RABEP2: variants seen among roughly 807,000 people sequenced by gnomAD.
The protein encoded by RABEP2 is rabaptin, RAB GTPase binding effector protein 2, also known as rab GTPase-binding effector protein 2.
A neutral mutation model predicts 74.1 loss-of-function variants in RABEP2; 57 were observed. That is an observed-to-expected ratio of 0.77 (90% CI 0.62 to 0.96). The LOEUF is 0.96. Among genes scored for constraint, RABEP2 ranks in the 40% least tolerant of loss-of-function variants. RABEP2 has a pLI of 0.00. For missense variants in RABEP2, 692 were observed against 756.3 expected (o/e 0.91, Z 1.00); for synonymous variants, 351 against 344.0 (o/e 1.02, Z -0.23).
chr16:28,905,006 C>T lies in RABEP2; in HGVS notation c.1647G>A (p.Glu549=). ...CCTCATCCATGATGCTGCGCACTTG[C>T]TCCAGGGTCTCAGCCTGGCGGATCC... ...LERIRQAETL[E]QVRSIMDEAP... Residue 549 remains glutamate (E), a synonymous_variant, in exon 13 of 13, where the codon GAG becomes GAA. Coordinates refer to ENST00000358201, the MANE Select transcript of RABEP2 (RefSeq NM_024816.3). 1 of 1,611,436 alleles carries T rather than the reference C, an allele frequency of 6.2e-7. No homozygotes were observed.
chr16:28,906,842 C>G (rs548671013), intron 8 of RABEP2, among the ~76,000 whole-genome samples: 1 of 152,000 alleles, frequency 6.6e-6, no homozygotes, highest in Non-Finnish European at 1.5e-5. Context: ...GCCTGTAATC[C>G]CAGCTACTCA....
At chr16:28,918,523 G>A (rs1356156920) in intron 3 of RABEP2, among the ~76,000 whole-genome samples, 1 of 151,812 alleles carries the variant, frequency 6.6e-6, no homozygotes, top group Non-Finnish European at 1.5e-5. Context: ...GCTGAGGCAG[G>A]AGAATCACTT....
chr16:28,921,647 ATTTTTTTTT>A (rs56325875), intron 2 of RABEP2, among the ~76,000 whole-genome samples: 8 of 113,406 alleles, frequency 7.1e-5, no homozygotes, highest in African/African-American at 2.8e-4. Flanking sequence ...TAGAACATAG[ATTTTTTTTT>A]TTTTTTTTTT....
chr16:28,911,639 T>G (rs1032568718), intron 5 of RABEP2, among the ~76,000 whole-genome samples: 2 of 141,860 alleles, frequency 1.4e-5, no homozygotes, highest in African/African-American at 2.7e-5. Context: ...GTGAGTGAGA[T>G]TCCGTCTCAA....
Position 28,904,875 on chromosome 16 carries a change from G to A in RABEP2, c.*68C>T, listed in dbSNP as rs927136176. On this transcript the variant is annotated 3_prime_UTR_variant, in exon 13 of 13. Transcript: ENST00000358201. ...GAAAAGCCATCCAAGACCCCAGAGC[G>A]AGGCCTCATGGTTCAGGAGTGGGGA... 2.5e-6 allele frequency: 3 copies of A among 1,209,010 alleles called. No individual in the cohort carries two copies. The highest frequency in any genetic ancestry group is 3.0e-5 in the African/African-American group (2 of 67,062). 74.9% of individuals were successfully genotyped at this position (1,209,010 alleles called of 1,614,324 possible). A position where few individuals can be genotyped will look rare whatever the true frequency, so the allele number is the denominator to read the frequency against.
Position 28,924,484 on chromosome 16 carries a change from C to T in RABEP2, c.193G>A (p.Glu65Lys), listed in dbSNP as rs1964507784. The change falls in exon 2 of 13, where the codon GAG becomes AAG. Residue 65 changes from glutamate (E) to lysine (K), a missense_variant. Coordinates refer to ENST00000358201, the MANE Select transcript of RABEP2 (RefSeq NM_024816.3). ...GCCACAGCCTCGGCCTTCGTGCTCT[C>T]GCTCACCTCTGCCACAGCCTTCATG... ...ETMKAVAEVSESTKAEAVAAV... is the reference protein window; with the variant it reads ...ETMKAVAEVSKSTKAEAVAAV... 6.2e-7 allele frequency: 1 copy of T among 1,614,052 alleles called. No homozygotes were observed. The highest frequency in any genetic ancestry group is 8.5e-7 in the Non-Finnish European group (1 of 1,180,018).
chr16:28,923,280 T>G lies in RABEP2; in HGVS notation c.274+1123A>C, dbSNP rs1319778765. On this transcript the variant is annotated intron_variant, in intron 2 of 12. Coordinates refer to ENST00000358201, the MANE Select transcript of RABEP2 (RefSeq NM_024816.3). ...TAAAAATTAGCCAGGCATGGTGGCA[T>G]GCACCTGTAGTCTTGGCTACTTGGG... Among the ~76,000 whole-genome samples, 5 of 151,954 alleles carry G rather than the reference T, an allele frequency of 3.3e-5. No individual in the cohort carries two copies. In the East Asian group the frequency reaches 9.7e-4, roughly 29 times the overall value.
At chr16:28,923,896 T>A (rs1964499576) in intron 2 of RABEP2, 1 of 166,032 alleles carries the variant, frequency 6.0e-6, no homozygotes, top group African/African-American at 2.4e-5. Context: ...GAAAACAGGA[T>A]CAGCAGCTGG....
At chr16:28,914,192 G>C (rs1964352348) in intron 5 of RABEP2, 44 bp downstream of exon 5, 1 of 1,481,236 alleles carries the variant, frequency 6.8e-7, no homozygotes, top group South Asian at 1.3e-5. Flanking sequence ...GCATCCAGCA[G>C]AGAGGGGGAT....
At position 28,904,903 on chromosome 16, in the gene RABEP2, G is replaced by T; in HGVS notation, c.*40C>A. The T allele has an allele frequency of 6.8e-7, 1 of 1,474,300 alleles. No homozygotes were observed. The highest frequency in any genetic ancestry group is 9.4e-7 in the Non-Finnish European group (1 of 1,060,478). 91.3% of individuals were successfully genotyped at this position (1,474,300 alleles called of 1,614,324 possible). On this transcript the variant is annotated 3_prime_UTR_variant, in exon 13 of 13. Transcript: ENST00000358201. ...GCCTCATGGTTCAGGAGTGGGGAAA[G>T]GCGTCTTTCCCAGGGTGGGGGTGGG...
intron 2 of RABEP2, among the ~76,000 whole-genome samples, chr16:28,921,949 A>G (rs143400264): frequency 2.8e-4 from 42 of 152,028 alleles, no homozygotes; most frequent in African/African-American, 9.9e-4. Context: ...TGGGTGACTG[A>G]GCGGGACTCC....
chr16:28,917,883 A>G (rs1964416116), intron 3 of RABEP2: 1 of 152,186 alleles, frequency 6.6e-6, no homozygotes, highest in Non-Finnish European at 1.5e-5. Flanking sequence ...TCCTGTCTTC[A>G]TCTTTCTTTC....
rs1964197616 is a variant in RABEP2, at chr16:28,904,861, C to T, written c.*82G>A. On this transcript the variant is annotated 3_prime_UTR_variant, in exon 13 of 13. Transcript: ENST00000358201. The stretch of plus-strand genomic sequence containing the variant: ...TCTCAGGGACGGTGGAAAAGCCATC[C>T]AAGACCCCAGAGCGAGGCCTCATGG... 5.5e-6 allele frequency: 6 copies of T among 1,089,380 alleles called. No individual in the cohort carries two copies. Among genetic ancestry groups the T allele is most frequent in the Non-Finnish European group, 8.0e-6 (6 of 745,974 alleles). 67.5% of individuals were successfully genotyped at this position (1,089,380 alleles called of 1,614,324 possible).
At chr16:28,907,314 AC>A (rs1364719179) in intron 8 of RABEP2, among the ~76,000 whole-genome samples, 1 of 151,670 alleles carries the variant, frequency 6.6e-6, no homozygotes, top group Non-Finnish European at 1.5e-5. Context: ...AGGCCACCAC[AC>A]CTGGCTAATT....
At chr16:28,914,836 C>T (rs1277549532) in intron 3 of RABEP2, 54 bp from the exon 4 acceptor site, 25 of 1,523,288 alleles carry the variant, frequency 1.6e-5, no homozygotes, top group Non-Finnish European at 2.1e-5. Context: ...TGCTGAAGCC[C>T]CGGGTCTGTT....
At chr16:28,907,902 C>T (rs568850271) in intron 8 of RABEP2, among the ~76,000 whole-genome samples, 2 of 152,160 alleles carry the variant, frequency 1.3e-5, no homozygotes, top group African/African-American at 4.8e-5. Context: ...TGGGTTCAAT[C>T]GATTCTCCAG....
At chr16:28,922,253 A>G (rs1034007200) in intron 2 of RABEP2, among the ~76,000 whole-genome samples, 3 of 152,182 alleles carry the variant, frequency 2.0e-5, no homozygotes, top group Non-Finnish European at 4.4e-5. Flanking sequence ...TTTTGTTTGT[A>G]TAGATATTGA....
chr16:28,924,290 C>T, intron 2 of RABEP2, 113 bp downstream of exon 2: 2 of 1,074,762 alleles, frequency 1.9e-6, no homozygotes, highest in Non-Finnish European at 2.7e-6. Flanking sequence ...ATGCCCTGTG[C>T]CAGGCAGCCC....
At chr16:28,921,484 A>G (rs1964467028) in intron 2 of RABEP2, among the ~76,000 whole-genome samples, 1 of 151,864 alleles carries the variant, frequency 6.6e-6, no homozygotes, top group East Asian at 1.9e-4. Flanking sequence ...TGGCTGTGGC[A>G]TGGTGGAATA....
Sources: allele counts gnomAD v4.1 joint callset (sites outside exome capture counted in the v4.1 genomes callset), GRCh38; gene constraint gnomAD v4.1.1; transcripts MANE v1.5; gene names NCBI Gene and HGNC (gene_info 2026-07-23, HGNC 2026-07-21).